The following ARHGEF7 variants were observed in gnomAD, a reference collection of about 807,000 sequenced individuals.
The protein encoded by ARHGEF7 is Rho guanine nucleotide exchange factor 7.
ARHGEF7 carries 33 observed loss-of-function variants against 109.8 expected under a neutral mutation model. The observed-to-expected ratio is 0.30, with a 90% CI of 0.23 to 0.40. ARHGEF7 has a LOEUF of 0.40. ARHGEF7 is among the 10% of genes least tolerant of loss of function. The probability of loss-of-function intolerance (pLI) is 1.00; values close to 1 mark genes in which losing one functional copy is unlikely to be tolerated. For missense variants in ARHGEF7, 938 were observed against 1,098.5 expected, an observed-to-expected ratio of 0.85 and a Z score of 2.07; for synonymous variants, 458 against 424.6, an observed-to-expected ratio of 1.08 and a Z score of -0.97.
At chr13:111,249,695 C>T (rs150930276) in intron 8 of ARHGEF7, among the ~76,000 whole-genome samples, 1,537 of 152,112 alleles carry the variant, frequency 0.01, 10 homozygotes, top group Middle Eastern at 0.017. Flanking sequence ...GGTTTTAGGG[C>T]TAGTTTTTAG....
chr13:111,141,674 C>G (rs1284698395), intron 1 of ARHGEF7, among the ~76,000 whole-genome samples: 2 of 151,834 alleles, frequency 1.3e-5, no homozygotes, highest in Non-Finnish European at 2.9e-5. Flanking sequence ...CTTTCTATCA[C>G]TGAGTAATCC....
chr13:111,250,123 C>G lies in ARHGEF7; in HGVS notation c.950+5829C>G, dbSNP rs1431447975. Among the ~76,000 whole-genome samples the G allele has an allele frequency of 2.6e-5, 4 of 152,224 alleles. No homozygotes were observed. The East Asian group carries it at 7.7e-4, about 29-fold the overall frequency. ...TTTTTCAAATCACAGTTCTTCCTTT[C>G]ATCAGCTGTAGAGGGCTCCTTGCAA... On this transcript the variant is annotated intron_variant, in intron 8 of 21. Transcript: ENST00000646102.
intron 21 of ARHGEF7, among the ~76,000 whole-genome samples, chr13:111,302,695 C>T (rs912373614): frequency 8.5e-5 from 13 of 152,190 alleles, no homozygotes; most frequent in Admixed American, 2.6e-4. Flanking sequence ...GGAGCTGTCT[C>T]GTCCGCAGTT....
In ARHGEF7 at chr13:111,233,213, G is replaced by C. The variant is rs577142734; in HGVS notation, c.679G>C (p.Val227Leu). ...TTACATTTTCATTTCAGAGAAGCCT[G>C]TGTCTCCCAAATCAGGAACACTGAA... ...VREVKASEKPVSPKSGTLKSP... is the reference protein window; with the variant it reads ...VREVKASEKPLSPKSGTLKSP... Residue 227 changes from valine to leucine, a missense_variant, in exon 6 of 22, where the codon GTG becomes CTG. By Grantham distance (32) the Val-to-Leu change is conservative. Around this residue, in one of 4 missense-constraint regions of ARHGEF7, gnomAD observed 585 missense variants for 723.6 expected, o/e 0.81. Transcript: ENST00000646102. The C allele has an allele frequency of 1.2e-6, 2 of 1,613,674 alleles. No individual in the cohort carries two copies. Among genetic ancestry groups the C allele is most frequent in the African/African-American group, 2.7e-5 (2 of 75,034 alleles).
At chr13:111,129,006 T>A (rs2074599606) in intron 1 of ARHGEF7, among the ~76,000 whole-genome samples, 1 of 152,140 alleles carries the variant, frequency 6.6e-6, no homozygotes, top group South Asian at 2.1e-4. Context: ...AACGTTGCAA[T>A]AAAGATAGAG....
At chr13:111,137,931 G>C (rs1030543319) in intron 1 of ARHGEF7, among the ~76,000 whole-genome samples, 1 of 152,174 alleles carries the variant, frequency 6.6e-6, no homozygotes. Context: ...TTTTAATGCT[G>C]AGGCTTTTAA....
intron 3 of ARHGEF7, 36 bp from the exon 4 acceptor site, chr13:111,209,836 C>T: frequency 6.2e-7 from 1 of 1,606,362 alleles, no homozygotes; most frequent in Non-Finnish European, 8.5e-7. Context: ...ATCAGGCGCT[C>T]TCAGCTCTCT....
chr13:111,137,320 C>T (rs2075132878), intron 1 of ARHGEF7, among the ~76,000 whole-genome samples: 1 of 152,254 alleles, frequency 6.6e-6, no homozygotes. Context: ...TTGAGAATCA[C>T]TGACCTAGCC....
chr13:111,238,935 A>C (rs2087259452), intron 6 of ARHGEF7, among the ~76,000 whole-genome samples: 1 of 152,118 alleles, frequency 6.6e-6, no homozygotes, highest in African/African-American at 2.4e-5. Context: ...AAAGAGGTTT[A>C]ATTGACTCAG....
chr13:111,215,846 T>C (rs1362110718), intron 4 of ARHGEF7, among the ~76,000 whole-genome samples: 2 of 152,132 alleles, frequency 1.3e-5, no homozygotes, highest in Non-Finnish European at 2.9e-5. Flanking sequence ...CCGCCTTCCA[T>C]TGTCACCTGG....
intron 19 of ARHGEF7, among the ~76,000 whole-genome samples, chr13:111,297,606 G>A (rs1278058424): frequency 6.6e-5 from 10 of 152,142 alleles, no homozygotes; most frequent in African/African-American, 2.4e-4. Flanking sequence ...TAGTTTTGCC[G>A]TGCTTTGTAA....
At chr13:111,154,556 A>C (rs150304173) in intron 2 of ARHGEF7, among the ~76,000 whole-genome samples, 1 of 152,208 alleles carries the variant, frequency 6.6e-6, no homozygotes, top group African/African-American at 2.4e-5. Flanking sequence ...CTTAATGTCC[A>C]GAGAATTCAC....
At chr13:111,261,414 A>G (rs772539008) in intron 8 of ARHGEF7, among the ~76,000 whole-genome samples, 4 of 152,236 alleles carry the variant, frequency 2.6e-5, no homozygotes, top group Non-Finnish European at 5.9e-5. Flanking sequence ...GCAAGAGGAT[A>G]TAGCAGTTGT....
intron 5 of ARHGEF7, among the ~76,000 whole-genome samples, chr13:111,221,209 ATATATGTCTATATATATC>A (rs1296272112): frequency 1.9e-3 from 125 of 64,518 alleles, no homozygotes; most frequent in South Asian, 3.3e-3. Context: ...CTATATAGAT[ATATATGTCTATATATATC>A]TATATAGATA....
rs78964965 is a variant in ARHGEF7 at position 111,236,114 on chromosome 13, T to C, written c.759+2821T>C. On this transcript the variant is annotated intron_variant, in intron 6 of 21. Transcript: ENST00000646102. ...CTGGAAAGTAAAACTCGTAGTAATT[T>C]ATGTCTGTTATTATGAACCATTCAG... 6.1e-4 allele frequency among the ~76,000 whole-genome samples: 93 copies of C among 152,360 alleles called. No homozygotes were observed. The East Asian group carries it at 0.018, about 29-fold the overall frequency.
chr13:111,302,947 G>A (rs1156289126), intron 21 of ARHGEF7, 44 bp from the exon 22 acceptor site: 7 of 1,608,786 alleles, frequency 4.4e-6, no homozygotes, highest in South Asian at 2.2e-5. Flanking sequence ...AGCCCTACGC[G>A]ATGCCAAAGA....
chr13:111,133,787 A>ATT (rs2097703199), intron 1 of ARHGEF7, among the ~76,000 whole-genome samples: 1 of 102,190 alleles, frequency 9.8e-6, no homozygotes, highest in Non-Finnish European at 1.9e-5. Context: ...ATATATATAT[A>ATT]TATATATATA....
intron 19 of ARHGEF7, among the ~76,000 whole-genome samples, chr13:111,299,505 G>A (rs981431535): frequency 9.2e-5 from 14 of 151,956 alleles, no homozygotes; most frequent in African/African-American, 3.4e-4. Context: ...ACCACGCCCG[G>A]CTAATTTTTT....
chr13:111,295,708 A>C (rs1392810104), intron 19 of ARHGEF7, among the ~76,000 whole-genome samples: 1 of 152,234 alleles, frequency 6.6e-6, no homozygotes, highest in Non-Finnish European at 1.5e-5. Flanking sequence ...TAAGAAAAGT[A>C]AATTAGACCC....
Sources: allele counts gnomAD v4.1 joint callset (sites outside exome capture counted in the v4.1 genomes callset), GRCh38; gene constraint gnomAD v4.1.1; regional missense constraint gnomAD v4.1.1; transcripts MANE v1.5; gene names NCBI Gene and HGNC (gene_info 2026-07-23, HGNC 2026-07-21).